Variants in ESRRB observed in about 807,000 individuals in gnomAD.
ESRRB encodes estrogen related receptor beta.
In ESRRB, 16 loss-of-function variants were observed where a neutral mutation model predicts 46.0. The ratio of observed to expected loss-of-function variants is 0.35; its 90% CI spans 0.24 to 0.53. The LOEUF (loss-of-function observed/expected upper bound fraction) is 0.53. Ranked by LOEUF, ESRRB falls within the 20% of genes least tolerant of loss-of-function variation. ESRRB has a pLI of 0.93. For synonymous variants in ESRRB, 246 were observed against 259.6 expected, an observed-to-expected ratio of 0.95 and a Z score of 0.50; for missense variants, 488 against 607.4, an observed-to-expected ratio of 0.80 and a Z score of 2.07.
At chr14:76,311,794 G>A (rs768458610) in intron 1 of ESRRB, among the ~76,000 whole-genome samples, 1 of 152,158 alleles carries the variant, frequency 6.6e-6, no homozygotes, top group Non-Finnish European at 1.5e-5. Context: ...TGCACCTCGG[G>A]CGGCTCTAGA....
chr14:76,460,708 C>CTTTTTTTTTTTTTTTTT (rs1555341799), intron 2 of ESRRB, among the ~76,000 whole-genome samples: 5 of 108,908 alleles, frequency 4.6e-5, no homozygotes, highest in Admixed American at 8.6e-5. Flanking sequence ...GTTCCAGTTA[C>CTTTTTTTTTTTTTTTTT]ATTTTTTTTT....
At chr14:76,412,799 T>C (rs1886498454) in intron 1 of ESRRB, among the ~76,000 whole-genome samples, 1 of 151,790 alleles carries the variant, frequency 6.6e-6, no homozygotes, top group African/African-American at 2.4e-5. Flanking sequence ...GAAAGGTGGG[T>C]GGGGGAAATA....
chr14:76,397,459 G>A (rs183592149), intron 1 of ESRRB, among the ~76,000 whole-genome samples: 2 of 152,298 alleles, frequency 1.3e-5, no homozygotes, highest in Admixed American at 6.5e-5. Flanking sequence ...CCCCATCCAG[G>A]GTGTCAGTAA....
intron 3 of ESRRB, among the ~76,000 whole-genome samples, chr14:76,467,167 C>A (rs902234323): frequency 6.6e-6 from 1 of 152,124 alleles, no homozygotes; most frequent in African/African-American, 2.4e-5. Context: ...TATGGGATTG[C>A]TTTGCAATGT....
chr14:76,383,750 C>A (rs1191600591), intron 1 of ESRRB, among the ~76,000 whole-genome samples: 1 of 151,972 alleles, frequency 6.6e-6, no homozygotes, highest in Non-Finnish European at 1.5e-5. Context: ...TGGGTAAAGT[C>A]CCAAAGCAGA....
intron 1 of ESRRB, among the ~76,000 whole-genome samples, chr14:76,363,694 C>T (rs1884490193): frequency 6.6e-6 from 1 of 152,202 alleles, no homozygotes; most frequent in African/African-American, 2.4e-5. Context: ...TTCCTAAAGT[C>T]CTCTTATCCA....
chr14:76,445,017 TA>T (rs1888073223), intron 2 of ESRRB, among the ~76,000 whole-genome samples: 1 of 151,362 alleles, frequency 6.6e-6, no homozygotes, highest in African/African-American at 2.4e-5. Flanking sequence ...ATAAATTTTT[TA>T]AAAATTAGCT....
In ESRRB at chr14:76,501,760, C is replaced by G. The variant is rs899216547; in HGVS notation, c.*3302C>G. On this transcript the variant is annotated 3_prime_UTR_variant, in exon 7 of 7. Coordinates refer to ENST00000644823, the MANE Select transcript of ESRRB (RefSeq NM_001379180.1). Reference sequence around the variant, plus strand: ...GCCTCTGTATATGTTCTCCCAGAAACCCCCATGTAAATCAAATGCCCTAGG... The same window carrying G: ...GCCTCTGTATATGTTCTCCCAGAAAGCCCCATGTAAATCAAATGCCCTAGG... 2.1e-4 allele frequency: 32 copies of G among 152,240 alleles called. No homozygotes were observed. The highest frequency in any genetic ancestry group is 7.5e-4 in the African/African-American group (31 of 41,528). 9.4% of individuals were successfully genotyped at this position (152,240 alleles called of 1,614,324 possible). A position where few individuals can be genotyped will look rare whatever the true frequency, so the allele number is the denominator to read the frequency against.
At chr14:76,338,606 C>T (rs940494619) in intron 1 of ESRRB, among the ~76,000 whole-genome samples, 1 of 152,204 alleles carries the variant, frequency 6.6e-6, no homozygotes. Flanking sequence ...AGGGGTATAG[C>T]TTATTTTGTG....
Position 76,491,661 on chromosome 14 carries a change from C to T in ESRRB, c.1065C>T (p.Leu355=). 4.4e-6 allele frequency: 7 copies of T among 1,588,224 alleles called. No individual in the cohort carries two copies. The highest frequency in any genetic ancestry group is 6.0e-6 in the Non-Finnish European group (7 of 1,169,068). ...ILQLVRRYKK[L]KVEKEEFVTL... is the part of the protein sequence containing the mutation. ...AGCTGGTACGCAGGTACAAGAAGCT[C>T]AAGGTGGAGAAGGAGGAGTTTGTGA... The change falls in exon 6 of 7, where the codon CTC becomes CTT. Residue 355 remains leucine, a synonymous_variant. Transcript: ENST00000644823.
At chr14:76,462,057 C>T (rs759180434) in intron 2 of ESRRB, among the ~76,000 whole-genome samples, 8 of 152,134 alleles carry the variant, frequency 5.3e-5, no homozygotes, top group Admixed American at 2.0e-4. Flanking sequence ...TGGCCTGGGC[C>T]CCTCCAGTGG....
At chr14:76,373,422 T>G (rs1180293671), upstream of ESRRB, among the ~76,000 whole-genome samples, 2 of 151,846 alleles carry the variant, frequency 1.3e-5, no homozygotes, top group East Asian at 1.9e-4. Context: ...GATCCCAGAG[T>G]CCTTTACTGT....
intron 1 of ESRRB, among the ~76,000 whole-genome samples, chr14:76,363,606 C>T (rs1038918320): frequency 1.3e-5 from 2 of 152,200 alleles, no homozygotes; most frequent in Non-Finnish European, 2.9e-5. Context: ...AACTTTTCTA[C>T]TGGGAATGGA....
chr14:76,360,017 A>G (rs1329571532), intron 1 of ESRRB, among the ~76,000 whole-genome samples: 1 of 152,186 alleles, frequency 6.6e-6, no homozygotes, highest in Non-Finnish European at 1.5e-5. Flanking sequence ...GGGGCATAAT[A>G]GAAAAAGAAA....
chr14:76,491,388 G>A, intron 5 of ESRRB, 59 bp from the exon 6 acceptor site: 2 of 1,581,934 alleles, frequency 1.3e-6, no homozygotes, highest in Admixed American at 1.8e-5. Flanking sequence ...GAGCCCCAGG[G>A]AGGCCCCTGG....
intron 1 of ESRRB, among the ~76,000 whole-genome samples, chr14:76,358,311 CAAAAAAAA>C (rs1191247686): frequency 4.3e-4 from 10 of 23,114 alleles, no homozygotes; most frequent in African/African-American, 1.4e-3. Flanking sequence ...GACTCTGTCT[CAAAAAAAA>C]AAAAAAAGAA....
intron 1 of ESRRB, among the ~76,000 whole-genome samples, chr14:76,412,025 G>A (rs1479204855): frequency 6.6e-6 from 1 of 152,086 alleles, no homozygotes; most frequent in Non-Finnish European, 1.5e-5. Context: ...TTTAAATCAA[G>A]ATCTTGATTC....
Position 76,482,239 on chromosome 14 carries a change from T to C in ESRRB, c.688+113T>C, listed in dbSNP as rs1889836707. 2.4e-6 allele frequency: 2 copies of C among 849,408 alleles called. No homozygotes were observed. Among genetic ancestry groups the C allele is most frequent in the Non-Finnish European group, 3.9e-6 (2 of 512,090 alleles). 52.6% of individuals were successfully genotyped at this position (849,408 alleles called of 1,614,324 possible). A position where few individuals can be genotyped will look rare whatever the true frequency, so the allele number is the denominator to read the frequency against. ...ACTGGGTCATGAGACAATGTGGATC[T>C]TGGGGAGGTGACATCAGTGCCTGGC... On this transcript the variant is annotated intron_variant, in intron 4 of 6. Coordinates refer to ENST00000644823, the MANE Select transcript of ESRRB (RefSeq NM_001379180.1). This position sits in a 1 kb window ranked among gnomAD's most constrained non-coding sequence, Gnocchi z 4.3.
intron 3 of ESRRB, among the ~76,000 whole-genome samples, chr14:76,480,510 C>G (rs1889766106): frequency 6.6e-6 from 1 of 152,232 alleles, no homozygotes; most frequent in Non-Finnish European, 1.5e-5. Flanking sequence ...TCCTTCTTCT[C>G]AGGGACTGAA....
Sources: allele counts gnomAD v4.1 joint callset (sites outside exome capture counted in the v4.1 genomes callset), GRCh38; gene constraint gnomAD v4.1.1; non-coding constraint Gnocchi (gnomAD v3.1); transcripts MANE v1.5; gene names NCBI Gene and HGNC (gene_info 2026-07-23, HGNC 2026-07-21).